Variants in ROBO2 observed in about 807,000 individuals in gnomAD.
ROBO2 encodes the protein roundabout guidance receptor 2.
A neutral mutation model predicts 160.8 loss-of-function variants in ROBO2; 53 were observed. That is an observed-to-expected ratio of 0.33 (90% CI 0.26 to 0.41). The LOEUF (loss-of-function observed/expected upper bound fraction) is 0.41, where lower values mean the gene tolerates loss of function less well. ROBO2 is among the 10% of genes least tolerant of loss of function. The pLI is 1.00. For synonymous variants in ROBO2, 664 were observed against 611.7 expected, an observed-to-expected ratio of 1.09 and a Z score of -1.26; for missense variants, 1,577 against 1,722.4, an observed-to-expected ratio of 0.92 and a Z score of 1.49.
At chr3:76,312,869 GA>G (rs764136187) in intron 2 of ROBO2, among the ~76,000 whole-genome samples, 1 of 152,170 alleles carries the variant, frequency 6.6e-6, no homozygotes, top group Non-Finnish European at 1.5e-5. Flanking sequence ...AACCTATTCA[GA>G]AAGGTTTATT....
At chr3:76,367,875 G>C (rs1304556236) in intron 2 of ROBO2, among the ~76,000 whole-genome samples, 2 of 151,434 alleles carry the variant, frequency 1.3e-5, no homozygotes, top group East Asian at 3.9e-4. Context: ...TTATCAACAA[G>C]GAAATATTTA....
intron 2 of ROBO2, among the ~76,000 whole-genome samples, chr3:76,881,627 A>G (rs546691665): frequency 1.1e-4 from 17 of 152,220 alleles, no homozygotes; most frequent in Non-Finnish European, 2.5e-4. Context: ...CAAAATATGT[A>G]TTTTCTATTT....
At chr3:77,230,740 G>C (rs7622824) in intron 2 of ROBO2, among the ~76,000 whole-genome samples, 69,040 of 151,958 alleles carry the variant, frequency 0.45, 16,105 homozygotes, top group Middle Eastern at 0.61. Context: ...TACTAGAAAA[G>C]ACAGGTTAGT....
intron 21 of ROBO2, among the ~76,000 whole-genome samples, chr3:77,610,816 T>C (rs1426033521): frequency 7.3e-6 from 1 of 136,436 alleles, no homozygotes; most frequent in East Asian, 2.2e-4. Flanking sequence ...AAATAGCAGA[T>C]AGTCCCATTA....
chr3:76,806,958 T>G (rs1363846115), intron 2 of ROBO2, among the ~76,000 whole-genome samples: 1 of 152,052 alleles, frequency 6.6e-6, no homozygotes, highest in Non-Finnish European at 1.5e-5. Context: ...GGACAAGTTT[T>G]TATGATGGAT....
At chr3:76,969,069 G>A (rs1213642215) in intron 2 of ROBO2, among the ~76,000 whole-genome samples, 1 of 152,088 alleles carries the variant, frequency 6.6e-6, no homozygotes, top group Non-Finnish European at 1.5e-5. Flanking sequence ...ATAAAGACTT[G>A]GAGTAAGTGA....
intron 2 of ROBO2, among the ~76,000 whole-genome samples, chr3:76,119,916 C>CCCTCCCTCCCTTCCTCCCTTCCTT (rs1377854643): frequency 3.4e-5 from 3 of 88,118 alleles, no homozygotes; most frequent in African/African-American, 1.4e-4. Flanking sequence ...TTCCCTCCCT[C>CCCTCCCTCCCTTCCTCCCTTCCTT]CCTTCCTTCC....
chr3:76,887,193 C>CCTTTTTTTTTTTTT lies in ROBO2; in HGVS notation c.110-210821_110-210820insCTTTTTTTTTTTTT, dbSNP rs1178064382. Among the ~76,000 whole-genome samples the CCTTTTTTTTTTTTT allele has an allele frequency of 7.9e-4, 95 of 120,416 alleles. 3 individuals carry two copies. The highest frequency in any genetic ancestry group is 2.2e-3 in the South Asian group (8 of 3,606). The allele number at this position is 120,416 out of a possible 152,430, so 79.0% of individuals were successfully genotyped here. Reference sequence around the variant, plus strand: ...ATTGCCCTGCCTTTGCTTCAGGAAGCATTTTTTTTTTTTTTTTTTTTTTTT... The same window carrying CCTTTTTTTTTTTTT: ...ATTGCCCTGCCTTTGCTTCAGGAAGCCTTTTTTTTTTTTTATTTTTTTTTTTTTTTTTTTTTTTT... On this transcript the variant is annotated intron_variant, in intron 2 of 26. Coordinates refer to the ROBO2 transcript ENST00000487694.
intron 2 of ROBO2, among the ~76,000 whole-genome samples, chr3:76,198,398 T>C (rs537946061): frequency 2.4e-4 from 36 of 152,306 alleles, no homozygotes; most frequent in African/African-American, 8.4e-4. Context: ...AGCAATAAGA[T>C]GCCAAATTCC....
At chr3:76,419,783 T>C (rs973178491) in intron 2 of ROBO2, among the ~76,000 whole-genome samples, 12 of 152,236 alleles carry the variant, frequency 7.9e-5, no homozygotes, top group East Asian at 3.9e-4. Context: ...TCCTGGCAAA[T>C]TGGACTGAAT....
At chr3:76,750,132 G>C (rs963410528) in intron 2 of ROBO2, among the ~76,000 whole-genome samples, 14 of 152,052 alleles carry the variant, frequency 9.2e-5, no homozygotes, top group African/African-American at 2.7e-4. Flanking sequence ...GGGATGCAAG[G>C]CTGGTTCAAC....
At chr3:76,798,852 C>T (rs1351856821) in intron 2 of ROBO2, among the ~76,000 whole-genome samples, 1 of 151,962 alleles carries the variant, frequency 6.6e-6, no homozygotes, top group Non-Finnish European at 1.5e-5. Context: ...ATGATCATGC[C>T]ACTACACTCC....
At chr3:76,708,354 C>T (rs114630468) in intron 2 of ROBO2, among the ~76,000 whole-genome samples, 17 of 152,214 alleles carry the variant, frequency 1.1e-4, no homozygotes, top group South Asian at 6.2e-4. Flanking sequence ...AGAAGCACAA[C>T]GGTTTGGCAG....
Position 77,251,237 on chromosome 3 carries a change from C to A in ROBO2, c.388+152897C>A, listed in dbSNP as rs142503391. On this transcript the variant is annotated intron_variant, in intron 2 of 25. Transcript: ENST00000461745. The stretch of plus-strand genomic sequence containing the variant: ...ATTAAACCGTGGCCCCACAGCTCTT[C>A]CATTTTAGGGACCTGCAGATTTAAT... 2.7e-3 allele frequency among the ~76,000 whole-genome samples: 406 copies of A among 152,232 alleles called. 1 individual carries two copies. Among genetic ancestry groups the A allele is most frequent in the Non-Finnish European group, 4.2e-3 (285 of 68,012 alleles).
chr3:77,090,520 C>T (rs979700499), intron 1 of ROBO2, among the ~76,000 whole-genome samples: 5 of 151,106 alleles, frequency 3.3e-5, no homozygotes, highest in African/African-American at 1.2e-4. Flanking sequence ...GCCCGGCTAA[C>T]TTTTTTTGTA....
chr3:77,341,414 A>G (rs1240412292), intron 2 of ROBO2, among the ~76,000 whole-genome samples: 1 of 152,150 alleles, frequency 6.6e-6, no homozygotes, highest in Non-Finnish European at 1.5e-5. Context: ...TCTTTTACAT[A>G]GTTATATTTC....
chr3:76,639,196 GTATC>G (rs2109637248), intron 2 of ROBO2, among the ~76,000 whole-genome samples: 1 of 151,914 alleles, frequency 6.6e-6, no homozygotes, highest in South Asian at 2.1e-4. Flanking sequence ...ATGTGTATAT[GTATC>G]TATAAGCATG....
chr3:77,467,217 T>C (rs2082855199), intron 2 of ROBO2, among the ~76,000 whole-genome samples: 1 of 152,212 alleles, frequency 6.6e-6, no homozygotes, highest in Non-Finnish European at 1.5e-5. Flanking sequence ...TATACTTAGA[T>C]ATATTTTAAT....
chr3:76,615,696 C>A (rs1250062240), intron 2 of ROBO2, among the ~76,000 whole-genome samples: 2 of 152,178 alleles, frequency 1.3e-5, no homozygotes, highest in Admixed American at 6.5e-5. Context: ...TTGTTAATGC[C>A]TTTATACTTC....
Sources: allele counts gnomAD v4.1 joint callset (sites outside exome capture counted in the v4.1 genomes callset), GRCh38; gene constraint gnomAD v4.1.1; transcripts MANE v1.5; gene names NCBI Gene and HGNC (gene_info 2026-07-23, HGNC 2026-07-21).